Variants in HMSD observed in about 807,000 individuals in gnomAD.
HMSD encodes the protein histocompatibility minor serpin domain containing, also known as serpin-like protein HMSD.
Under a neutral mutation model 10.0 loss-of-function variants are expected in HMSD, and 13 were observed. The observed-to-expected ratio is 1.31, with a 90% CI of 0.85 to 2.08. The LOEUF (loss-of-function observed/expected upper bound fraction) is 2.08, where lower values mean the gene tolerates loss of function less well. Ranked by LOEUF, HMSD falls within the 30% of genes most tolerant of loss-of-function variation. HMSD has a pLI of 0.00. For missense variants in HMSD, 169 were observed against 166.3 expected (o/e 1.02, Z -0.09); for synonymous variants, 51 against 54.2 (o/e 0.94, Z 0.26).
chr18:63,966,104 C>T (rs553925054), downstream of HMSD, among the ~76,000 whole-genome samples: 92 of 152,330 alleles, frequency 6.0e-4, no homozygotes, highest in Non-Finnish European at 9.7e-4. Context: ...ACCCACATGA[C>T]GCAGACACCT....
At chr18:63,959,662 T>A (rs1007139486) in intron 3 of HMSD, among the ~76,000 whole-genome samples, 1 of 152,224 alleles carries the variant, frequency 6.6e-6, no homozygotes, top group Admixed American at 6.5e-5. Context: ...AGTTACTTGA[T>A]GTTGTTTTTG....
intron 1 of HMSD, among the ~76,000 whole-genome samples, chr18:63,950,842 C>G (rs1344053741): frequency 1.3e-5 from 2 of 152,192 alleles, no homozygotes; most frequent in African/African-American, 2.4e-5. Flanking sequence ...TCAGGTCAGT[C>G]AGAGCCCATG....
At position 63,954,457 on chromosome 18, in the gene HMSD, GT is replaced by G. The variant is rs2050347263; in HGVS notation, c.126del (p.Gln43SerfsTer46). 1.2e-6 allele frequency: 2 copies of G among 1,613,410 alleles called. No homozygotes were observed. ...GGTGAAGATGGAGATATTCATCGAG[GT>G]TTTCAGTCACTTCTTGTTGCAATTA... ...IGGEDGDIHR[G>X]FQSLLVAINR... On this transcript the variant is annotated frameshift_variant, in exon 3 of 4. Coordinates refer to ENST00000408945, the MANE Select transcript of HMSD (RefSeq NM_001123366.2). LOFTEE classifies it high-confidence loss of function.
chr18:63,964,195 C>T (rs1400217505), downstream of HMSD, among the ~76,000 whole-genome samples: 1 of 152,150 alleles, frequency 6.6e-6, no homozygotes, highest in Non-Finnish European at 1.5e-5. Context: ...TTGGGACATT[C>T]AGTCATGTTA....
intron 1 of HMSD, among the ~76,000 whole-genome samples, chr18:63,950,244 A>C (rs1323054796): frequency 2.6e-5 from 4 of 151,802 alleles, no homozygotes; most frequent in South Asian, 2.1e-4. Flanking sequence ...GGTGAAACCC[A>C]GTCTCTACTA....
rs979282410 is a variant in HMSD, at chr18:63,952,868, T to C, written c.-102-486T>C. On this transcript the variant is annotated intron_variant, in intron 1 of 3. Coordinates refer to ENST00000408945, the MANE Select transcript of HMSD (RefSeq NM_001123366.2). Reference sequence around the variant, plus strand: ...AAGTTACATTCTGAAAATATTGGTGTCCCAATTTACATAATCACATATGGA... The same window carrying C: ...AAGTTACATTCTGAAAATATTGGTGCCCCAATTTACATAATCACATATGGA... 2.0e-5 allele frequency among the ~76,000 whole-genome samples: 3 copies of C among 152,246 alleles called. No individual in the cohort carries two copies. In the South Asian group the frequency reaches 6.2e-4, roughly 32 times the overall value.
intron 3 of HMSD, among the ~76,000 whole-genome samples, chr18:63,954,767 T>A (rs1046021328): frequency 6.6e-6 from 1 of 152,228 alleles, no homozygotes; most frequent in Non-Finnish European, 1.5e-5. Flanking sequence ...AATGAGATAA[T>A]CTTCATAAAA....
rs562545396 is a variant in HMSD, at chr18:63,959,652, A to T, written c.223-506A>T. ...TAGTCAATAGATATCAATTATATCT[A>T]GTTACTTGATGTTGTTTTTGAGTTC... On this transcript the variant is annotated intron_variant, in intron 3 of 3. Coordinates refer to ENST00000408945, the MANE Select transcript of HMSD (RefSeq NM_001123366.2). Among the ~76,000 whole-genome samples, 197 of 152,290 alleles carry T rather than the reference A, an allele frequency of 1.3e-3. 2 individuals are homozygous for T. Among genetic ancestry groups the T allele is most frequent in the African/African-American group, 4.6e-3 (190 of 41,572 alleles).
In HMSD at chr18:63,954,827, G is replaced by A. The variant is rs374937037; in HGVS notation, c.222+270G>A. Among the ~76,000 whole-genome samples the A allele has an allele frequency of 1.5e-4, 23 of 152,308 alleles. No homozygotes were observed. In the South Asian group the frequency reaches 4.8e-3, roughly 32 times the overall value. On this transcript the variant is annotated intron_variant, in intron 3 of 3. Transcript: ENST00000408945. ...TTGAAAATGAATCAGCCAAAACAAA[G>A]ATGTGGTGAAAATGACTGTTTCTCG...
At chr18:63,963,086 TTTC>T (rs2050394360), downstream of HMSD, among the ~76,000 whole-genome samples, 2 of 100,574 alleles carry the variant, frequency 2.0e-5, no homozygotes, top group African/African-American at 9.7e-5. Flanking sequence ...TCTTTCTTTC[TTTC>T]TTTCTTTCTT....
In HMSD at chr18:63,961,022, C is replaced by G. The variant is rs540383065; in HGVS notation, c.*667C>G. On this transcript the variant is annotated 3_prime_UTR_variant, in exon 4 of 4. Transcript: ENST00000408945. ...TGGGGAATAATCAGCCCATATGATT[C>G]TTCCACTGCAGAGAGAGCCTCTGAG... 1.8e-4 allele frequency: 28 copies of G among 152,480 alleles called. No homozygotes were observed. The highest frequency in any genetic ancestry group is 6.7e-4 in the African/African-American group (28 of 41,560). 9.4% of individuals were successfully genotyped at this position (152,480 alleles called of 1,614,324 possible). A position where few individuals can be genotyped will look rare whatever the true frequency, so the allele number is the denominator to read the frequency against.
downstream of HMSD, among the ~76,000 whole-genome samples, chr18:63,963,091 T>TTC (rs1342881478): frequency 1.8e-4 from 22 of 123,888 alleles, no homozygotes; most frequent in African/African-American, 8.1e-4. Context: ...CTTTCTTTCT[T>TTC]TCTTTCTTTC....
At chr18:63,966,436 T>A (rs957877893), downstream of HMSD, 2 of 152,210 alleles carry the variant, frequency 1.3e-5, no homozygotes, top group African/African-American at 4.8e-5. Flanking sequence ...AATGTACTTG[T>A]GTAAATCGAA....
intron 3 of HMSD, among the ~76,000 whole-genome samples, chr18:63,958,387 G>T (rs1001773360): frequency 3.3e-5 from 5 of 152,082 alleles, no homozygotes; most frequent in Non-Finnish European, 7.4e-5. Flanking sequence ...TGATACAGAA[G>T]TATAAAATTC....
chr18:63,962,624 G>A (rs1187707516), downstream of HMSD, among the ~76,000 whole-genome samples: 1 of 152,182 alleles, frequency 6.6e-6, no homozygotes, highest in Non-Finnish European at 1.5e-5. Context: ...GAGGTCCTGA[G>A]AGCCTTCACT....
chr18:63,954,492 G>T lies in HMSD; in HGVS notation c.157G>T (p.Asp53Tyr), dbSNP rs1439445166. The part of the protein sequence containing the change: ...QSLLVAINRT[D>Y]TEYVLRTANG... ...ACTTCTTGTTGCAATTAACAGAACT[G>T]ACACTGAATATGTGCTTAGAACTGC... is the stretch of plus-strand genomic sequence containing the variant. Residue 53 changes from aspartate to tyrosine, a missense_variant, in exon 3 of 4, where the codon GAC (aspartate) becomes TAC (tyrosine). By Grantham distance (160) the Asp-to-Tyr change is radical (BLOSUM62 -3). Coordinates refer to ENST00000408945, the MANE Select transcript of HMSD (RefSeq NM_001123366.2). 6.2e-7 allele frequency: 1 copy of T among 1,613,746 alleles called. No homozygotes were observed. Among genetic ancestry groups the T allele is most frequent in the African/African-American group, 1.3e-5 (1 of 75,058 alleles).
At position 63,953,373 on chromosome 18, in the gene HMSD, C is replaced by G; in HGVS notation, c.-83C>G. On this transcript the variant is annotated 5_prime_UTR_variant, in exon 2 of 4. Coordinates refer to ENST00000408945, the MANE Select transcript of HMSD (RefSeq NM_001123366.2). ...TTTCAGGCTCACCGTCATGGATGCT[C>G]TATCAGAAGCAAATGGCACATTTGC... 1.0e-6 allele frequency: 1 copy of G among 979,268 alleles called. No individual in the cohort carries two copies. The allele number at this position is 979,268 out of a possible 1,614,324, so 60.7% of individuals were successfully genotyped here. A position where few individuals can be genotyped will look rare whatever the true frequency, so the allele number is the denominator to read the frequency against.
chr18:63,963,015 C>A (rs2050392608), downstream of HMSD, among the ~76,000 whole-genome samples: 1 of 151,794 alleles, frequency 6.6e-6, no homozygotes, highest in Non-Finnish European at 1.5e-5. Context: ...AATTCCTCTC[C>A]CACCAATACT....
chr18:63,966,135 C>T (rs1158524546), downstream of HMSD, among the ~76,000 whole-genome samples: 1 of 152,210 alleles, frequency 6.6e-6, no homozygotes, highest in Non-Finnish European at 1.5e-5. Context: ...GGAACACTGG[C>T]ACAGCAGGGA....
Sources: gnomAD v4.1 joint callset for allele counts (sites outside exome capture counted in the v4.1 genomes callset) on GRCh38, gnomAD v4.1.1 for gene constraint, MANE v1.5 for transcripts, NCBI Gene and HGNC (gene_info 2026-07-23, HGNC 2026-07-21) for gene names.